NAV2: variants seen among roughly 807,000 people sequenced by gnomAD.
The protein encoded by NAV2 is neuron navigator 2, also known as helicase, APC down-regulated 1.
A neutral mutation model predicts 223.2 loss-of-function variants in NAV2; 54 were observed. The ratio of observed to expected loss-of-function variants is 0.24; its 90% CI spans 0.19 to 0.30. NAV2 has a LOEUF of 0.30. NAV2 is among the 10% of genes least tolerant of loss of function. The pLI, the probability that NAV2 is intolerant of heterozygous loss-of-function variation, is 1.00. For synonymous variants in NAV2, 1,279 were observed against 1,239.3 expected, an observed-to-expected ratio of 1.03 and a Z score of -0.67; for missense variants, 2,806 against 3,147.5, an observed-to-expected ratio of 0.89 and a Z score of 2.60.
chr11:20,078,197 A>G (rs2059880680), intron 24 of NAV2, 93 bp downstream of exon 24: 3 of 891,884 alleles, frequency 3.4e-6, no homozygotes, highest in Non-Finnish European at 5.3e-6. Context: ...TTGCTAGAAG[A>G]CAGTGTCTGC....
chr11:19,661,974 A>G (rs1016186296), intron 1 of NAV2, among the ~76,000 whole-genome samples: 3 of 152,210 alleles, frequency 2.0e-5, no homozygotes, highest in African/African-American at 4.8e-5. Context: ...GTCCACCCCA[A>G]TCAATTGCTA....
chr11:19,735,350 C>A (rs895700000), intron 1 of NAV2, among the ~76,000 whole-genome samples: 1 of 152,180 alleles, frequency 6.6e-6, no homozygotes, highest in African/African-American at 2.4e-5. Context: ...CATTTCCCTG[C>A]GAGCAGCTTT....
intron 1 of NAV2, among the ~76,000 whole-genome samples, chr11:19,831,252 G>A (rs1220892044): frequency 7.1e-6 from 1 of 140,182 alleles, no homozygotes; most frequent in African/African-American, 2.7e-5. Context: ...ATGGGGAGTG[G>A]GGGGGGATGA....
intron 11 of NAV2, among the ~76,000 whole-genome samples, chr11:20,023,987 A>T (rs2054793142): frequency 6.6e-6 from 1 of 152,198 alleles, no homozygotes; most frequent in South Asian, 2.1e-4. Context: ...AGAGAGGTTA[A>T]ATAACTTGAT....
At chr11:19,808,920 A>G (rs2058716213) in intron 1 of NAV2, among the ~76,000 whole-genome samples, 1 of 152,222 alleles carries the variant, frequency 6.6e-6, no homozygotes, top group Admixed American at 6.5e-5. Flanking sequence ...AACTTGAGGG[A>G]ACCTCTGGCA....
chr11:19,805,995 C>T (rs935356980), intron 1 of NAV2, among the ~76,000 whole-genome samples: 1 of 152,204 alleles, frequency 6.6e-6, no homozygotes, highest in Admixed American at 6.5e-5. Context: ...AATTTCACTA[C>T]AGAGGTTTTT....
At chr11:19,739,312 T>G (rs2052597385) in intron 1 of NAV2, among the ~76,000 whole-genome samples, 1 of 152,250 alleles carries the variant, frequency 6.6e-6, no homozygotes, top group Non-Finnish European at 1.5e-5. Flanking sequence ...TCTCTTCATA[T>G]TCTCAGTTAA....
At position 19,932,519 on chromosome 11, in the gene NAV2, A is replaced by T. The variant is rs530830236; in HGVS notation, c.932-657A>T. Among the ~76,000 whole-genome samples, 467 of 152,282 alleles carry T rather than the reference A, an allele frequency of 3.1e-3. 2 individuals carry two copies. Among genetic ancestry groups the T allele is most frequent in the African/African-American group, 0.011 (449 of 41,554 alleles). The stretch of plus-strand genomic sequence containing the variant: ...TTTTTAGTAGAGACTGGGTTTCACC[A>T]TGTTGGCCAGGCTGGTCTTGAATTC... On this transcript the variant is annotated intron_variant, in intron 6 of 37. Coordinates refer to ENST00000349880, the MANE Select transcript of NAV2 (RefSeq NM_145117.5).
intron 1 of NAV2, among the ~76,000 whole-genome samples, chr11:19,664,372 C>G (rs2048358868): frequency 6.6e-6 from 1 of 152,154 alleles, no homozygotes; most frequent in African/African-American, 2.4e-5. Flanking sequence ...GCTAGATTTG[C>G]CAGTTTCCTA....
At chr11:19,774,849 T>G (rs2056021177) in intron 1 of NAV2, among the ~76,000 whole-genome samples, 1 of 152,182 alleles carries the variant, frequency 6.6e-6, no homozygotes, top group Non-Finnish European at 1.5e-5. Flanking sequence ...CATCTCTCCT[T>G]GTACCATGAG....
chr11:19,473,721 C>T (rs1414922291), intron 1 of NAV2, among the ~76,000 whole-genome samples: 1 of 151,954 alleles, frequency 6.6e-6, no homozygotes, highest in Admixed American at 6.5e-5. Context: ...CAGGTCCCCT[C>T]TTAAGGACTG....
Position 20,082,486 on chromosome 11 carries a change from T to G in NAV2, c.5326-521T>G. 2.8e-6 allele frequency: 3 copies of G among 1,067,012 alleles called. 1 individual carries two copies. The South Asian group carries it at 3.8e-5, about 14-fold the overall frequency. 66.1% of individuals were successfully genotyped at this position (1,067,012 alleles called of 1,614,324 possible). On this transcript the variant is annotated intron_variant, in intron 25 of 37. Coordinates refer to ENST00000349880, the MANE Select transcript of NAV2 (RefSeq NM_145117.5). Reference sequence around the variant, plus strand: ...TGTGTGTGGTGTTTATTATTAGCCATGTTGTGTCTGAAAGTCCGAAGCTTT... The same window carrying G: ...TGTGTGTGGTGTTTATTATTAGCCAGGTTGTGTCTGAAAGTCCGAAGCTTT...
At chr11:20,022,736 A>G in intron 11 of NAV2, 1 of 1,075,286 alleles carries the variant, frequency 9.3e-7, no homozygotes, top group Non-Finnish European at 1.1e-6. Flanking sequence ...CTTCAATTTG[A>G]CCCGCTGTTG....
intron 1 of NAV2, among the ~76,000 whole-genome samples, chr11:19,644,466 T>C (rs2047761565): frequency 6.6e-6 from 1 of 152,174 alleles, no homozygotes; most frequent in African/African-American, 2.4e-5. Context: ...CCCTCTGTGG[T>C]AGAGGCCTTT....
At chr11:19,558,526 G>C (rs2134737278) in intron 1 of NAV2, among the ~76,000 whole-genome samples, 1 of 152,372 alleles carries the variant, frequency 6.6e-6, no homozygotes, top group South Asian at 2.1e-4. Context: ...TTGACTAGGG[G>C]CTTATGTACA....
At chr11:19,741,715 ATATATATATATATC>A in intron 1 of NAV2, among the ~76,000 whole-genome samples, 3 of 85,904 alleles carry the variant, frequency 3.5e-5, no homozygotes, top group Non-Finnish European at 7.9e-5. Flanking sequence ...ATATATATAT[ATATATATATATATC>A]ACAATTTATT....
upstream of NAV2, among the ~76,000 whole-genome samples, chr11:19,350,218 C>T (rs77960603): frequency 2.4e-3 from 365 of 152,270 alleles, 1 homozygote; most frequent in African/African-American, 8.5e-3. Flanking sequence ...CTGGAGTTTC[C>T]TTGTCCATGG....
chr11:20,082,661 C>T, intron 25 of NAV2: 1 of 1,485,740 alleles, frequency 6.7e-7, no homozygotes, highest in South Asian at 1.1e-5. Flanking sequence ...TATGACTAAC[C>T]TCATCCGCAT....
intron 1 of NAV2, among the ~76,000 whole-genome samples, chr11:19,351,802 T>TAA (rs56030401): frequency 3.5e-5 from 4 of 114,672 alleles, no homozygotes; most frequent in African/African-American, 1.4e-4. Flanking sequence ...TTGTGTATGG[T>TAA]AAAAAAAAAA....
Sources: gnomAD v4.1 joint callset for allele counts (sites outside exome capture counted in the v4.1 genomes callset) on GRCh38, gnomAD v4.1.1 for gene constraint, MANE v1.5 for transcripts, NCBI Gene and HGNC (gene_info 2026-07-23, HGNC 2026-07-21) for gene names.